VGLL3: variants seen among roughly 807,000 people sequenced by gnomAD.
The protein encoded by VGLL3 is transcription cofactor vestigial-like protein 3.
Under a neutral mutation model 29.2 loss-of-function variants are expected in VGLL3, and 18 were observed. The ratio of observed to expected loss-of-function variants is 0.62; its 90% CI spans 0.43 to 0.91. The LOEUF (loss-of-function observed/expected upper bound fraction) is 0.91. Among genes scored for constraint, VGLL3 ranks in the 40% least tolerant of loss-of-function variants. The probability of loss-of-function intolerance (pLI) is 0.00; values close to 1 mark genes in which losing one functional copy is unlikely to be tolerated. For missense variants in VGLL3, 440 were observed against 413.2 expected (o/e 1.06, Z -0.56); for synonymous variants, 180 against 151.8 (o/e 1.19, Z -1.36).
At chr3:86,974,000 G>A (rs142597401) in intron 2 of VGLL3, among the ~76,000 whole-genome samples, 10 of 152,208 alleles carry the variant, frequency 6.6e-5, no homozygotes, top group East Asian at 1.9e-4. Context: ...AATGTTTAGC[G>A]CTGTGCTAAA....
At chr3:86,977,387 G>T (rs1484191071) in intron 2 of VGLL3, among the ~76,000 whole-genome samples, 1 of 152,092 alleles carries the variant, frequency 6.6e-6, no homozygotes. Flanking sequence ...TGCCCAGAAG[G>T]TACCACTAGT....
Position 86,943,722 on chromosome 3 carries a change from GT to G in VGLL3, c.*3301del, listed in dbSNP as rs1289795673. On this transcript the variant is annotated 3_prime_UTR_variant, in exon 4 of 4. Transcript: ENST00000398399. The stretch of plus-strand genomic sequence containing the variant: ...AAGAAGACACATTGATTTCTCAAAA[GT>G]TTAGAGGCTCTTTCAAATTAATAAT... 6.6e-6 allele frequency: 1 copy of G among 152,122 alleles called. No homozygotes were observed. Among genetic ancestry groups the G allele is most frequent in the Non-Finnish European group, 1.5e-5 (1 of 68,014 alleles). The allele number at this position is 152,122 out of a possible 1,614,324, so 9.4% of individuals were successfully genotyped here.
chr3:86,979,883 A>T (rs1705287773), intron 1 of VGLL3, among the ~76,000 whole-genome samples: 1 of 152,156 alleles, frequency 6.6e-6, no homozygotes, highest in South Asian at 2.1e-4. Context: ...GAGTAAAAAA[A>T]TTACAAAAAT....
intron 3 of VGLL3, among the ~76,000 whole-genome samples, chr3:86,950,850 A>T (rs777669552): frequency 3.7e-4 from 57 of 152,336 alleles, no homozygotes; most frequent in Non-Finnish European, 6.8e-4. Flanking sequence ...CTTTAAAAAC[A>T]TAGGGTGGTC....
chr3:86,989,621 A>G (rs2107084170), intron 1 of VGLL3, among the ~76,000 whole-genome samples: 1 of 152,316 alleles, frequency 6.6e-6, no homozygotes, highest in Admixed American at 6.5e-5. Context: ...GAAATAAATC[A>G]ATATATTCTA....
chr3:86,970,633 A>T (rs1053164707), intron 2 of VGLL3, among the ~76,000 whole-genome samples: 1 of 152,036 alleles, frequency 6.6e-6, no homozygotes, highest in Admixed American at 6.6e-5. Context: ...CTTGCTGGCC[A>T]TGGTACTGAA....
chr3:86,950,126 A>AT (rs1704587948), intron 3 of VGLL3, among the ~76,000 whole-genome samples: 1 of 152,178 alleles, frequency 6.6e-6, no homozygotes, highest in Admixed American at 6.5e-5. Context: ...CTTGAAATTA[A>AT]TTCATAACAT....
intron 3 of VGLL3, among the ~76,000 whole-genome samples, chr3:86,956,158 T>C (rs1273542841): frequency 2.6e-5 from 4 of 152,220 alleles, no homozygotes. Context: ...AGGGAACAAG[T>C]TCTGAAACAG....
chr3:86,945,982 G>C lies in VGLL3; in HGVS notation c.*1042C>G, dbSNP rs1018754074. 1 of 152,012 alleles carries C rather than the reference G, an allele frequency of 6.6e-6. No homozygotes were observed. The highest frequency in any genetic ancestry group is 1.9e-4 in the East Asian group (1 of 5,172). 9.4% of individuals were successfully genotyped at this position (152,012 alleles called of 1,614,324 possible). On this transcript the variant is annotated 3_prime_UTR_variant, in exon 4 of 4. Coordinates refer to ENST00000398399, the MANE Select transcript of VGLL3 (RefSeq NM_016206.4). ...TATTGTTCCTTCAAATGCCCTTCAG[G>C]AAAAACAAATCCCACTTAAAATATG... is the stretch of plus-strand genomic sequence containing the variant.
chr3:86,941,142 A>G lies in VGLL3; in HGVS notation c.*5882T>C, dbSNP rs1452575437. The G allele has an allele frequency of 6.6e-6, 1 of 152,370 alleles. No homozygotes were observed. The highest frequency in any genetic ancestry group is 1.5e-5 in the Non-Finnish European group (1 of 67,868). 9.4% of individuals were successfully genotyped at this position (152,370 alleles called of 1,614,324 possible). ...TTAAATATATGTACTTCAAAGTGAT[A>G]CAAAGAATTCACATGAAAACCTTTC... On this transcript the variant is annotated 3_prime_UTR_variant, in exon 4 of 4. Coordinates refer to ENST00000398399, the MANE Select transcript of VGLL3 (RefSeq NM_016206.4).
intron 2 of VGLL3, among the ~76,000 whole-genome samples, chr3:86,970,618 G>A (rs188268714): frequency 6.6e-6 from 1 of 152,238 alleles, no homozygotes; most frequent in East Asian, 1.9e-4. Flanking sequence ...CAAGATGGGT[G>A]TAGACTTGCT....
chr3:86,973,378 T>C (rs1196574116), intron 2 of VGLL3, among the ~76,000 whole-genome samples: 1 of 152,228 alleles, frequency 6.6e-6, no homozygotes, highest in African/African-American at 2.4e-5. Flanking sequence ...ATTCTTAAGC[T>C]AAAGTGTTCT....
intron 3 of VGLL3, among the ~76,000 whole-genome samples, chr3:86,958,820 C>T (rs940616826): frequency 2.0e-5 from 3 of 152,156 alleles, no homozygotes; most frequent in Non-Finnish European, 4.4e-5. Flanking sequence ...ATTCTGGACA[C>T]GTGCCCTACA....
rs918276178 is a variant in VGLL3, at chr3:86,940,905, A to G, written c.*6119T>C. 6.6e-6 allele frequency: 1 copy of G among 152,446 alleles called. No homozygotes were observed. The highest frequency in any genetic ancestry group is 2.4e-5 in the African/African-American group (1 of 41,458). 9.4% of individuals were successfully genotyped at this position (152,446 alleles called of 1,614,324 possible). On this transcript the variant is annotated 3_prime_UTR_variant, in exon 4 of 4. Transcript: ENST00000398399. ...CTAAGGTTAATTTTTATTTCTGGAA[A>G]CACAAAATTAAGGTAGCACAACTTC...
At chr3:86,966,823 A>G (rs1277490255) in intron 3 of VGLL3, among the ~76,000 whole-genome samples, 1 of 107,888 alleles carries the variant, frequency 9.3e-6, no homozygotes, top group Non-Finnish European at 1.8e-5. Context: ...ATATATATAT[A>G]TAGTACCCCA....
chr3:86,958,722 T>G (rs1704776964), intron 3 of VGLL3, among the ~76,000 whole-genome samples: 1 of 152,198 alleles, frequency 6.6e-6, no homozygotes, highest in South Asian at 2.1e-4. Flanking sequence ...CAGTTACTTT[T>G]CATGCAGATC....
At chr3:86,972,931 C>T (rs1705133737) in intron 2 of VGLL3, among the ~76,000 whole-genome samples, 1 of 152,044 alleles carries the variant, frequency 6.6e-6, no homozygotes, top group Admixed American at 6.6e-5. Context: ...AATATTGATA[C>T]ATTGTCTAAT....
intron 2 of VGLL3, among the ~76,000 whole-genome samples, chr3:86,974,676 C>T (rs1270668272): frequency 6.6e-6 from 1 of 152,156 alleles, no homozygotes; most frequent in Non-Finnish European, 1.5e-5. Context: ...TAAATATATT[C>T]TTAGTCAAAC....
chr3:86,977,559 G>A (rs1465703661), intron 2 of VGLL3, among the ~76,000 whole-genome samples: 1 of 152,148 alleles, frequency 6.6e-6, no homozygotes, highest in Non-Finnish European at 1.5e-5. Context: ...TCCTTAACAG[G>A]ACTAGATCAA....
Sources: gnomAD v4.1 joint callset for allele counts (sites outside exome capture counted in the v4.1 genomes callset) on GRCh38, gnomAD v4.1.1 for gene constraint, MANE v1.5 for transcripts, NCBI Gene and HGNC (gene_info 2026-07-23, HGNC 2026-07-21) for gene names.